Variants in DPH6 observed in about 807,000 individuals in gnomAD.
DPH6 encodes diphthamine biosynthesis 6.
In DPH6, 33 loss-of-function variants were observed where a neutral mutation model predicts 38.2. The ratio of observed to expected loss-of-function variants is 0.86; its 90% CI spans 0.65 to 1.15. The LOEUF (loss-of-function observed/expected upper bound fraction) is 1.15, where lower values mean the gene tolerates loss of function less well. DPH6 is among the 50% of genes most tolerant of loss of function. The probability of loss-of-function intolerance (pLI) is 0.00; values close to 1 mark genes in which losing one functional copy is unlikely to be tolerated. For synonymous variants in DPH6, 108 were observed against 103.0 expected (o/e 1.05, Z -0.30); for missense variants, 325 against 320.0 (o/e 1.02, Z -0.12).
At chr15:35,260,726 G>C (rs2622760) in intron 3 of DPH6, among the ~76,000 whole-genome samples, 134,604 of 151,918 alleles carry the variant, frequency 0.89, 60,590 homozygotes, top group Non-Finnish European at 0.96. Flanking sequence ...ATCTCAAGGG[G>C]AAAGTTCCTT....
chr15:35,276,620 A>C (rs574776635), intron 3 of DPH6, among the ~76,000 whole-genome samples: 1 of 152,328 alleles, frequency 6.6e-6, no homozygotes, highest in East Asian at 1.9e-4. Flanking sequence ...ATAAGGTGAA[A>C]GATGAGGATC....
intron 3 of DPH6, chr15:35,519,447 G>GT (rs1378384886): frequency 1.3e-5 from 2 of 151,928 alleles, no homozygotes; most frequent in Admixed American, 6.6e-5. Context: ...AGTACAGCCT[G>GT]TAAGATTCCA....
chr15:35,493,912 T>G (rs1156544006), intron 3 of DPH6, among the ~76,000 whole-genome samples: 1 of 152,170 alleles, frequency 6.6e-6, no homozygotes, highest in Non-Finnish European at 1.5e-5. Flanking sequence ...ATTCTTCATT[T>G]AATCTTCTAT....
intron 6 of DPH6, chr15:35,401,575 G>A: frequency 1.3e-6 from 1 of 769,470 alleles, no homozygotes; most frequent in East Asian, 2.4e-5. Flanking sequence ...TTTTGGAGGT[G>A]GTGGAAGCTA....
At chr15:35,417,168 A>G (rs1276909995) in intron 5 of DPH6, among the ~76,000 whole-genome samples, 1 of 152,032 alleles carries the variant, frequency 6.6e-6, no homozygotes, top group Non-Finnish European at 1.5e-5. Flanking sequence ...TTCCTCATTT[A>G]CTAACATCTA....
the DPH6 span, among the ~76,000 whole-genome samples, chr15:35,192,624 T>C: frequency 6.6e-6 from 1 of 152,190 alleles, no homozygotes; most frequent in Non-Finnish European, 1.5e-5. Context: ...TCCAAGTTAT[T>C]TGGAATCAAT....
At chr15:35,354,682 C>A (rs1037546413) in intron 3 of DPH6, among the ~76,000 whole-genome samples, 11 of 152,132 alleles carry the variant, frequency 7.2e-5, no homozygotes, top group South Asian at 2.1e-4. Context: ...ATTCGGTTTG[C>A]CAGTATTTTA....
rs1223168444 is a variant in DPH6, at chr15:35,247,242, A to C, written n.201-26660T>G. On this transcript the variant is annotated intron_variant and non_coding_transcript_variant, in intron 3 of 3. Coordinates refer to the DPH6 transcript ENST00000560386. ...ATGATCATTATGGCACATTGGTAAA[A>C]ACACAAGTTTTGATCTTATATACTC... 2.6e-5 allele frequency among the ~76,000 whole-genome samples: 4 copies of C among 152,200 alleles called. No individual in the cohort carries two copies. The East Asian group carries it at 7.7e-4, about 29-fold the overall frequency.
At chr15:35,409,968 C>G (rs528462132) in intron 6 of DPH6, among the ~76,000 whole-genome samples, 2 of 151,580 alleles carry the variant, frequency 1.3e-5, no homozygotes, top group East Asian at 3.9e-4. Flanking sequence ...GCATTTGGTA[C>G]ATATTGATTC....
At chr15:35,452,963 T>C (rs961690969) in intron 4 of DPH6, among the ~76,000 whole-genome samples, 4 of 152,182 alleles carry the variant, frequency 2.6e-5, no homozygotes, top group Admixed American at 6.5e-5. Context: ...GAAAAAACTT[T>C]TTGTCCATAA....
chr15:35,176,951 C>T, the DPH6 span, among the ~76,000 whole-genome samples: 9 of 152,166 alleles, frequency 5.9e-5, no homozygotes, highest in East Asian at 5.8e-4. Flanking sequence ...GAAATAGCAG[C>T]GTACGGCATC....
intron 3 of DPH6, among the ~76,000 whole-genome samples, chr15:35,290,363 T>A (rs948758198): frequency 6.6e-6 from 1 of 152,196 alleles, no homozygotes; most frequent in Admixed American, 6.5e-5. Flanking sequence ...ACCCTGCACA[T>A]GCTGTAGCTT....
At chr15:35,493,507 A>C (rs558217462) in intron 3 of DPH6, among the ~76,000 whole-genome samples, 1 of 152,306 alleles carries the variant, frequency 6.6e-6, no homozygotes, top group African/African-American at 2.4e-5. Context: ...AAGAGGTTTA[A>C]CAGGAGAAAG....
At chr15:35,173,847 C>T in the DPH6 span, among the ~76,000 whole-genome samples, 1 of 152,156 alleles carries the variant, frequency 6.6e-6, no homozygotes, top group Non-Finnish European at 1.5e-5. Context: ...TTAGACTTAT[C>T]TTTTACTGGG....
chr15:35,352,859 G>A (rs901231412), intron 3 of DPH6, among the ~76,000 whole-genome samples: 21 of 152,286 alleles, frequency 1.4e-4, no homozygotes, highest in African/African-American at 2.6e-4. Context: ...TCGCCACACC[G>A]ACTTCCACAA....
chr15:35,418,198 T>G (rs561026298), intron 5 of DPH6, among the ~76,000 whole-genome samples: 32 of 152,200 alleles, frequency 2.1e-4, no homozygotes, highest in Middle Eastern at 3.4e-3. Context: ...ATGTGAGTCT[T>G]TATGTATATA....
chr15:35,542,446 C>T lies in DPH6; in HGVS notation c.85G>A (p.Ala29Thr), dbSNP rs2141570440. Residue 29 changes from alanine to threonine, a missense_variant, in exon 2 of 9, where the codon GCT becomes ACT. Coordinates refer to ENST00000256538, the MANE Select transcript of DPH6 (RefSeq NM_080650.4). ...QCIAAGHQIVALANLRPAENQ... is the reference protein window; with the variant it reads ...QCIAAGHQIVTLANLRPAENQ... The stretch of plus-strand genomic sequence containing the variant: ...TCAGCTGGTCTTAGATTTGCTAAAG[C>T]AACGATCTGATGCCCAGCAGCAATG... 1.3e-6 allele frequency: 2 copies of T among 1,577,836 alleles called. No individual in the cohort carries two copies. The highest frequency in any genetic ancestry group is 1.7e-6 in the Non-Finnish European group (2 of 1,151,888).
At chr15:35,442,824 A>G (rs998004379) in intron 5 of DPH6, among the ~76,000 whole-genome samples, 11 of 152,206 alleles carry the variant, frequency 7.2e-5, no homozygotes, top group African/African-American at 2.7e-4. Context: ...GCAAATCTAT[A>G]AAGATATGAA....
intron 5 of DPH6, among the ~76,000 whole-genome samples, chr15:35,436,503 AC>A (rs1461686419): frequency 0.018 from 1,415 of 79,764 alleles, 82 homozygotes; most frequent in African/African-American, 0.1. Context: ...ACAAAACAAA[AC>A]AAAACAAAAC....
Sources: allele counts gnomAD v4.1 joint callset (sites outside exome capture counted in the v4.1 genomes callset), GRCh38; gene constraint gnomAD v4.1.1; transcripts MANE v1.5; gene names NCBI Gene and HGNC (gene_info 2026-07-23, HGNC 2026-07-21).